The following SNTG1 variants were observed in gnomAD, a reference collection of about 807,000 sequenced individuals.
SNTG1 encodes the protein syntrophin gamma 1.
A neutral mutation model predicts 74.7 loss-of-function variants in SNTG1; 39 were observed. The observed-to-expected ratio is 0.52, with a 90% CI of 0.40 to 0.68. SNTG1 has a LOEUF of 0.68. SNTG1 is among the 30% of genes least tolerant of loss of function. The pLI is 0.00. For synonymous variants in SNTG1, 254 were observed against 217.1 expected (o/e 1.17, Z -1.49); for missense variants, 685 against 609.5 (o/e 1.12, Z -1.30).
intron 2 of SNTG1, among the ~76,000 whole-genome samples, chr8:50,246,500 C>T (rs56924168): frequency 0.16 from 8,155 of 51,990 alleles, 507 homozygotes; most frequent in South Asian, 0.43. Context: ...ACATTAGTGT[C>T]TTTCTTTTTT....
intron 18 of SNTG1, among the ~76,000 whole-genome samples, chr8:50,765,265 A>T (rs1234706255): frequency 6.6e-6 from 1 of 152,040 alleles, no homozygotes; most frequent in Non-Finnish European, 1.5e-5. Flanking sequence ...TGGCTAAAGA[A>T]TATCAATTAT....
At chr8:50,058,680 A>G (rs1820225388) in intron 1 of SNTG1, among the ~76,000 whole-genome samples, 1 of 152,086 alleles carries the variant, frequency 6.6e-6, no homozygotes. Context: ...CAACGAGGAT[A>G]CTGACATTGA....
intron 13 of SNTG1, among the ~76,000 whole-genome samples, chr8:50,648,327 C>T (rs2095123429): frequency 6.6e-6 from 1 of 152,126 alleles, no homozygotes; most frequent in Admixed American, 6.6e-5. Context: ...ACAACAAACT[C>T]AAATGTCATA....
At chr8:50,285,855 A>G (rs1366146932) in intron 2 of SNTG1, among the ~76,000 whole-genome samples, 1 of 151,884 alleles carries the variant, frequency 6.6e-6, no homozygotes, top group African/African-American at 2.4e-5. Flanking sequence ...GTGACAATGA[A>G]CAATATAATT....
intron 3 of SNTG1, among the ~76,000 whole-genome samples, chr8:50,400,888 C>G (rs4570174): frequency 0.95 from 144,056 of 152,138 alleles, 68,477 homozygotes; most frequent in Non-Finnish European, 1. Context: ...CTAGTGCACG[C>G]TAGGATGATC....
chr8:50,572,717 T>A (rs2094556173), intron 12 of SNTG1, among the ~76,000 whole-genome samples: 2 of 152,162 alleles, frequency 1.3e-5, no homozygotes, highest in Non-Finnish European at 2.9e-5. Context: ...TAGAGTTTTC[T>A]CAACAGTTAG....
intron 1 of SNTG1, among the ~76,000 whole-genome samples, chr8:50,058,727 C>T (rs906148687): frequency 1.3e-5 from 2 of 150,638 alleles, no homozygotes; most frequent in East Asian, 3.9e-4. Flanking sequence ...CACAATTTTA[C>T]TTACATTTGT....
intron 4 of SNTG1, among the ~76,000 whole-genome samples, chr8:50,436,536 T>C (rs888288601): frequency 2.6e-5 from 4 of 152,164 alleles, no homozygotes; most frequent in East Asian, 1.9e-4. Flanking sequence ...AAGACAAAGC[T>C]TTTAATTGCT....
At chr8:50,083,009 A>C (rs1157899934) in intron 1 of SNTG1, among the ~76,000 whole-genome samples, 2 of 152,154 alleles carry the variant, frequency 1.3e-5, no homozygotes, top group Non-Finnish European at 2.9e-5. Flanking sequence ...ACTCCCAATG[A>C]AGTGAGTCCT....
intron 13 of SNTG1, among the ~76,000 whole-genome samples, chr8:50,621,158 T>C (rs2094920891): frequency 6.6e-6 from 1 of 152,076 alleles, no homozygotes; most frequent in Admixed American, 6.6e-5. Context: ...TTTTTTACTC[T>C]ATTTTTCTCA....
At chr8:50,576,585 A>G (rs1368344443) in intron 12 of SNTG1, among the ~76,000 whole-genome samples, 2 of 152,098 alleles carry the variant, frequency 1.3e-5, no homozygotes, top group Non-Finnish European at 2.9e-5. Context: ...TTAAATCTTC[A>G]CATCTATGAA....
chr8:50,145,880 AT>A (rs1474756456), intron 1 of SNTG1, among the ~76,000 whole-genome samples: 1 of 151,774 alleles, frequency 6.6e-6, no homozygotes, highest in Admixed American at 6.6e-5. Context: ...TAAAGGGGAA[AT>A]AATATAGCAT....
At chr8:50,243,104 C>T (rs983470442) in intron 2 of SNTG1, among the ~76,000 whole-genome samples, 2 of 152,054 alleles carry the variant, frequency 1.3e-5, no homozygotes, top group African/African-American at 4.8e-5. Flanking sequence ...GAACAAAAAA[C>T]ATGTATCTAT....
intron 17 of SNTG1, among the ~76,000 whole-genome samples, chr8:50,748,176 A>G (rs1365359722): frequency 6.6e-6 from 1 of 152,002 alleles, no homozygotes; most frequent in East Asian, 1.9e-4. Context: ...TACCACGAGG[A>G]AAAGTTATGC....
At chr8:50,001,050 A>T (rs1346644141) in intron 1 of SNTG1, among the ~76,000 whole-genome samples, 1 of 152,234 alleles carries the variant, frequency 6.6e-6, no homozygotes, top group African/African-American at 2.4e-5. Flanking sequence ...GTCATACGCC[A>T]CTGCATTAGG....
chr8:50,283,846 A>G (rs998708217), intron 2 of SNTG1, among the ~76,000 whole-genome samples: 3 of 152,154 alleles, frequency 2.0e-5, no homozygotes, highest in African/African-American at 7.2e-5. Flanking sequence ...TAAGATTTTC[A>G]GATTTGTGGA....
At chr8:49,976,155 C>T (rs1334297621) in intron 1 of SNTG1, among the ~76,000 whole-genome samples, 1 of 152,132 alleles carries the variant, frequency 6.6e-6, no homozygotes, top group Non-Finnish European at 1.5e-5. Context: ...ATCAGTGATA[C>T]ATTTAATTAG....
intron 5 of SNTG1, among the ~76,000 whole-genome samples, chr8:50,449,440 A>G (rs2131617817): frequency 6.6e-6 from 1 of 152,352 alleles, no homozygotes; most frequent in East Asian, 1.9e-4. Flanking sequence ...TTTGTTGATA[A>G]ATGAAAACTT....
intron 13 of SNTG1, among the ~76,000 whole-genome samples, chr8:50,634,784 A>G (rs1355810797): frequency 1.3e-5 from 2 of 152,178 alleles, no homozygotes; most frequent in Admixed American, 1.3e-4. Context: ...AAAGTAGTGA[A>G]CATTTGCAGC....
Sources: allele counts gnomAD v4.1 joint callset (sites outside exome capture counted in the v4.1 genomes callset), GRCh38; gene constraint gnomAD v4.1.1; transcripts MANE v1.5; gene names NCBI Gene and HGNC (gene_info 2026-07-23, HGNC 2026-07-21).